Variants in ANKRD17 observed in about 807,000 individuals in gnomAD.
ANKRD17 encodes the protein ankyrin repeat domain 17, also known as ankyrin repeat domain-containing protein 17.
In ANKRD17, 19 loss-of-function variants were observed where a neutral mutation model predicts 229.7. The ratio of observed to expected loss-of-function variants is 0.08; its 90% CI spans 0.06 to 0.12. ANKRD17 has a LOEUF of 0.12. Among genes scored for constraint, ANKRD17 ranks in the 10% least tolerant of loss-of-function variants. ANKRD17 has a pLI of 1.00. For missense variants in ANKRD17, 2,176 were observed against 3,176.8 expected (o/e 0.68, Z 7.57); for synonymous variants, 1,112 against 1,146.1 (o/e 0.97, Z 0.60).
chr4:73,140,319 G>GA (rs763679485), intron 14 of ANKRD17, 36 bp from the exon 15 acceptor site: 1 of 1,536,178 alleles, frequency 6.5e-7, no homozygotes, highest in Non-Finnish European at 8.7e-7. Flanking sequence ...AAGTGCACAT[G>GA]AATGGCATCC....
At chr4:73,174,923 C>T (rs935059967) in intron 2 of ANKRD17, among the ~76,000 whole-genome samples, 11 of 152,016 alleles carry the variant, frequency 7.2e-5, no homozygotes, top group African/African-American at 2.2e-4. Flanking sequence ...AAATTGAAGA[C>T]GACACAAGAA....
intron 1 of ANKRD17, among the ~76,000 whole-genome samples, chr4:73,182,242 A>G (rs1210205706): frequency 6.6e-6 from 1 of 152,044 alleles, no homozygotes; most frequent in Non-Finnish European, 1.5e-5. Flanking sequence ...GCCTTTTTTA[A>G]AAGTTGTATT....
intron 1 of ANKRD17, among the ~76,000 whole-genome samples, chr4:73,248,921 A>C (rs767629715): frequency 6.6e-6 from 1 of 152,082 alleles, no homozygotes; most frequent in Non-Finnish European, 1.5e-5. Context: ...GACTGTTTTC[A>C]TTATTAATGC....
chr4:73,164,036 T>C (rs1732897640), intron 2 of ANKRD17, among the ~76,000 whole-genome samples: 2 of 152,334 alleles, frequency 1.3e-5, no homozygotes, highest in African/African-American at 4.8e-5. Flanking sequence ...TGATACCTAC[T>C]GTATAATTTA....
At chr4:73,099,689 G>A (rs528144219) in intron 25 of ANKRD17, among the ~76,000 whole-genome samples, 16 of 152,326 alleles carry the variant, frequency 1.1e-4, no homozygotes, top group African/African-American at 3.6e-4. Context: ...GCCAAACTGT[G>A]TTTGTCACTA....
intron 26 of ANKRD17, 53 bp from the exon 27 acceptor site, chr4:73,097,325 T>A (rs963018430): frequency 2.7e-5 from 39 of 1,452,294 alleles, no homozygotes; most frequent in Non-Finnish European, 3.5e-5. Context: ...GTAGAATTTT[T>A]AAATGATAAA....
chr4:73,206,425 T>A (rs6446917), intron 1 of ANKRD17, among the ~76,000 whole-genome samples: 8,008 of 141,988 alleles, frequency 0.056, 467 homozygotes, highest in African/African-American at 0.14. Flanking sequence ...AGAAAGAAAG[T>A]GAGAGAGAGA....
intron 2 of ANKRD17, among the ~76,000 whole-genome samples, chr4:73,174,867 G>T (rs2148981958): frequency 6.6e-6 from 1 of 152,212 alleles, no homozygotes; most frequent in South Asian, 2.1e-4. Flanking sequence ...CTTAATCAAA[G>T]AAGTGAAAGA....
intron 25 of ANKRD17, chr4:73,098,846 A>G (rs1381195480): frequency 1.3e-6 from 2 of 1,522,268 alleles, no homozygotes; most frequent in Non-Finnish European, 1.8e-6. Flanking sequence ...CTTGAAGTCC[A>G]GCCAGCCCTT....
intron 15 of ANKRD17, 134 bp downstream of exon 15, chr4:73,139,397 T>C: frequency 9.8e-7 from 1 of 1,020,886 alleles, no homozygotes; most frequent in Non-Finnish European, 1.4e-6. Flanking sequence ...GAGATTGAAC[T>C]AATACTTCTA....
At chr4:73,116,293 A>G (rs1725947860) in intron 22 of ANKRD17, among the ~76,000 whole-genome samples, 1 of 152,194 alleles carries the variant, frequency 6.6e-6, no homozygotes, top group East Asian at 1.9e-4. Flanking sequence ...TCTAAGGATT[A>G]AAAGGGCAAA....
chr4:73,162,851 TTTTG>T (rs893857100), intron 2 of ANKRD17, among the ~76,000 whole-genome samples: 6 of 151,166 alleles, frequency 4.0e-5, no homozygotes, highest in East Asian at 2.0e-4. Flanking sequence ...TGCTTTTTTG[TTTTG>T]TTTTTGTTTT....
chr4:73,125,254 A>G lies in ANKRD17; in HGVS notation c.3293T>C (p.Leu1098Pro). The G allele has an allele frequency of 6.2e-7, 1 of 1,614,106 alleles. No homozygotes were observed. The highest frequency in any genetic ancestry group is 8.5e-7 in the Non-Finnish European group (1 of 1,179,974). The change falls in exon 17 of 34, where the codon CTG (leucine) becomes CCG (proline). Residue 1098 changes from leucine to proline, a missense_variant. Physicochemically the swap from Leu to Pro is moderately conservative, Grantham distance 98 (BLOSUM62 -3). Transcript: ENST00000358602. ...TCCTCTCTCTAGCAGTGTTTGTACC[A>G]GTTCCTCGTGGCCACCAGCACAGGC... ...TLACAGGHEE[L>P]VQTLLERGAS...
chr4:73,139,048 T>C lies in ANKRD17; in HGVS notation c.3085+483A>G, dbSNP rs535674726. Among the ~76,000 whole-genome samples the C allele has an allele frequency of 2.1e-4, 13 of 61,720 alleles. No individual in the cohort carries two copies. The East Asian group carries it at 6.7e-3, about 32-fold the overall frequency. The allele number at this position is 61,720 out of a possible 152,430, so 40.5% of individuals were successfully genotyped here. A position where few individuals can be genotyped will look rare whatever the true frequency, so the allele number is the denominator to read the frequency against. ...GAACTTTATTAATTTTGTAAAAGTG[T>C]TTTTTTTTTTAAATATCCATCAGGT... On this transcript the variant is annotated intron_variant, in intron 15 of 33. Coordinates refer to ENST00000358602, the MANE Select transcript of ANKRD17 (RefSeq NM_032217.5).
At position 73,144,740 on chromosome 4, in the gene ANKRD17, C is replaced by T; in HGVS notation, c.1957+5G>A. 6.5e-7 allele frequency: 1 copy of T among 1,544,464 alleles called. No homozygotes were observed. The highest frequency in any genetic ancestry group is 8.7e-7 in the Non-Finnish European group (1 of 1,149,652). On this transcript the variant is annotated splice_donor_5th_base_variant and intron_variant, in intron 11 of 33. Transcript: ENST00000358602. ...AAAAAAGACAACTGTTTTATACAAA[C>T]CTACCTTTACTAATTAAGAACTGAA...
intron 4 of ANKRD17, 23 bp from the exon 5 acceptor site, chr4:73,155,801 A>AAT: frequency 1.2e-6 from 2 of 1,610,386 alleles, no homozygotes; most frequent in Non-Finnish European, 1.7e-6. Flanking sequence ...AAATAGTTTA[A>AAT]AAAGATATTA....
intron 25 of ANKRD17, chr4:73,100,986 A>T: frequency 2.4e-5 from 24 of 982,820 alleles, no homozygotes; most frequent in Non-Finnish European, 2.7e-5. Flanking sequence ...CAAAAAACAA[A>T]TACGAATTTA....
At chr4:73,258,798 T>TGCCGCCGCC (rs1203341924), upstream of ANKRD17, 9 of 1,139,182 alleles carry the variant, frequency 7.9e-6, no homozygotes, top group South Asian at 3.9e-5. Context: ...TCACCTCTAC[T>TGCCGCCGCC]GCCGCCGCCG....
intron 1 of ANKRD17, among the ~76,000 whole-genome samples, chr4:73,245,217 G>T (rs1449864675): frequency 7.7e-6 from 1 of 129,498 alleles, no homozygotes; most frequent in Non-Finnish European, 1.8e-5. Context: ...ACCTGTAATG[G>T]TTTCTTCTTA....
Sources: allele counts gnomAD v4.1 joint callset (sites outside exome capture counted in the v4.1 genomes callset), GRCh38; gene constraint gnomAD v4.1.1; transcripts MANE v1.5; gene names NCBI Gene and HGNC (gene_info 2026-07-23, HGNC 2026-07-21).